Variants in CHAF1A observed in about 807,000 individuals in gnomAD.
The protein encoded by CHAF1A is chromatin assembly factor 1 subunit A, also known as CAF-1 subunit A.
In CHAF1A, 5 loss-of-function variants were observed where a neutral mutation model predicts 93.2. The observed-to-expected ratio is 0.05, with a 90% CI of 0.03 to 0.11. The LOEUF is 0.11. Ranked by LOEUF, CHAF1A falls within the 10% of genes least tolerant of loss-of-function variation. The pLI is 1.00. For missense variants in CHAF1A, 1,102 were observed against 1,259.9 expected (o/e 0.87, Z 1.90); for synonymous variants, 504 against 510.3 (o/e 0.99, Z 0.17).
rs766323095 is a variant in CHAF1A, at chr19:4,442,281, A to G, written c.2710A>G (p.Thr904Ala). The G allele has an allele frequency of 6.2e-6, 10 of 1,613,750 alleles. No homozygotes were observed. In the Admixed American group the frequency reaches 6.7e-5, roughly 11 times the overall value. Reference sequence around the variant, plus strand: ...AGACATGGACGGCTTCCAGGCAGACACGGAGGAGGAGGAAGAGGAGGAGGG... The same window carrying G: ...AGACATGGACGGCTTCCAGGCAGACGCGGAGGAGGAGGAAGAGGAGGAGGG... ...AEDMDGFQAD[T>A]EEEEEEEGDC... Residue 904 changes from threonine to alanine, a missense_variant, in exon 14 of 15, where the codon ACG becomes GCG. Coordinates refer to ENST00000301280, the MANE Select transcript of CHAF1A (RefSeq NM_005483.3).
At position 4,443,347 on chromosome 19, in the gene CHAF1A, C is replaced by T. The variant is rs536617127; in HGVS notation, c.*322C>T. ...AGGACCACCCGCCTGGCCACGTGCG[C>T]GGGCCCCTGGACCTAACGAGGCAGT... On this transcript the variant is annotated 3_prime_UTR_variant, in exon 15 of 15. Transcript: ENST00000301280. 1.3e-4 allele frequency: 45 copies of T among 348,930 alleles called. No homozygotes were observed. The highest frequency in any genetic ancestry group is 8.2e-4 in the South Asian group (31 of 38,020). The allele number at this position is 348,930 out of a possible 1,614,324, so 21.6% of individuals were successfully genotyped here. A position where few individuals can be genotyped will look rare whatever the true frequency, so the allele number is the denominator to read the frequency against.
rs548720390 is a variant in CHAF1A at position 4,438,026 on chromosome 19, A to C, written c.2674-4219A>C. Among the ~76,000 whole-genome samples the C allele has an allele frequency of 3.8e-4, 57 of 151,762 alleles. 1 individual carries two copies. The highest frequency in any genetic ancestry group is 1.2e-3 in the African/African-American group (50 of 41,396). ...AAAGTGCTAGGATTACAGGCGTGAG[A>C]CACCACGCCCGGCATCTTTTCTTGT... On this transcript the variant is annotated intron_variant, in intron 13 of 14. Transcript: ENST00000301280.
intron 7 of CHAF1A, among the ~76,000 whole-genome samples, chr19:4,428,410 A>G (rs1974122625): frequency 6.6e-6 from 1 of 152,026 alleles, no homozygotes; most frequent in Admixed American, 6.6e-5. Context: ...TAATGAAGAT[A>G]AACCCTATTT....
chr19:4,445,594 C>T (rs1284041303), downstream of CHAF1A: 1 of 1,613,684 alleles, frequency 6.2e-7, no homozygotes, highest in South Asian at 1.1e-5. Flanking sequence ...CAGCCATGTC[C>T]CACGAGAAGG....
chr19:4,447,300 AGCTGAAG>A (rs975541608), downstream of CHAF1A: 8 of 577,736 alleles, frequency 1.4e-5, no homozygotes, highest in African/African-American at 1.1e-4. Context: ...AAACAAGCCC[AGCTGAAG>A]AGGAGGAAAA....
chr19:4,415,215 G>A (rs1184414213), intron 3 of CHAF1A, among the ~76,000 whole-genome samples: 1 of 152,156 alleles, frequency 6.6e-6, no homozygotes, highest in Non-Finnish European at 1.5e-5. Context: ...CAAATTTCAA[G>A]AAGATAAAGT....
rs894067608 is a variant in CHAF1A at position 4,432,650 on chromosome 19, C to T, written c.2204-420C>T. ...TATCACGCACCTGTGATCCCAGCTA[C>T]TCAAGAGGCTGAGGTGGGAGGATTG... On this transcript the variant is annotated intron_variant, in intron 12 of 14. Coordinates refer to ENST00000301280, the MANE Select transcript of CHAF1A (RefSeq NM_005483.3). Among the ~76,000 whole-genome samples the T allele has an allele frequency of 5.3e-5, 8 of 151,748 alleles. 1 individual carries two copies. The highest frequency in any genetic ancestry group is 4.6e-4 in the Admixed American group (7 of 15,188).
At chr19:4,447,915 A>G (rs1974571614), downstream of CHAF1A, 3 of 506,444 alleles carry the variant, frequency 5.9e-6, no homozygotes, top group Admixed American at 3.2e-5. Context: ...CAGTGCCGGA[A>G]GAGTGGAGAG....
intron 13 of CHAF1A, among the ~76,000 whole-genome samples, chr19:4,440,688 T>G (rs1169104015): frequency 6.6e-6 from 1 of 151,994 alleles, no homozygotes; most frequent in Non-Finnish European, 1.5e-5. Context: ...ACATCCTAGA[T>G]GGACAGCCTG....
Position 4,433,568 on chromosome 19 carries a change from C to T in CHAF1A, c.2673+29C>T, listed in dbSNP as rs773073526. On this transcript the variant is annotated intron_variant, in intron 13 of 14. Coordinates refer to ENST00000301280, the MANE Select transcript of CHAF1A (RefSeq NM_005483.3). The surrounding 1 kb of genome is among the most constrained non-coding windows in gnomAD (Gnocchi z 5.6). The stretch of plus-strand genomic sequence containing the variant: ...AGGTGGGGTGGGCAGGTGGGGGCCT[C>T]TGCAGGGCTTTTCTTTTTTTGTTTG... 7 of 1,478,866 alleles carry T rather than the reference C, an allele frequency of 4.7e-6. No homozygotes were observed. The highest frequency in any genetic ancestry group is 4.2e-5 in the African/African-American group (3 of 70,682). 91.6% of individuals were successfully genotyped at this position (1,478,866 alleles called of 1,614,324 possible). A position where few individuals can be genotyped will look rare whatever the true frequency, so the allele number is the denominator to read the frequency against.
Position 4,432,048 on chromosome 19 carries a change from C to G in CHAF1A, c.2044C>G (p.Gln682Glu). 2.5e-6 allele frequency: 4 copies of G among 1,614,146 alleles called. No homozygotes were observed. The highest frequency in any genetic ancestry group is 3.4e-6 in the Non-Finnish European group (4 of 1,180,030). ...LAKGKRFRVL[Q>E]PVKIGCVWAA... ...TAAGGGGAAGCGCTTTCGCGTCCTG[C>G]AACCTGTGAAGATCGGCTGCGTGTG... The change falls in exon 12 of 15, where the codon CAA becomes GAA. Residue 682 changes from glutamine (Q) to glutamate (E), a missense_variant. Physicochemically the swap from Gln to Glu is conservative, Grantham distance 29. Coordinates refer to ENST00000301280, the MANE Select transcript of CHAF1A (RefSeq NM_005483.3).
chr19:4,439,655 A>G (rs1974350783), intron 13 of CHAF1A, among the ~76,000 whole-genome samples: 1 of 152,248 alleles, frequency 6.6e-6, no homozygotes, highest in South Asian at 2.1e-4. Flanking sequence ...TAACGTCCCC[A>G]GACACCTCCA....
At chr19:4,411,477 G>T (rs1016115207) in intron 3 of CHAF1A, among the ~76,000 whole-genome samples, 2 of 151,874 alleles carry the variant, frequency 1.3e-5, no homozygotes, top group Admixed American at 1.3e-4. Flanking sequence ...TAATCCACCC[G>T]CCTTGGCCTC....
chr19:4,423,295 A>G (rs1974023037), intron 5 of CHAF1A, 40 bp from the exon 6 acceptor site: 1 of 1,613,510 alleles, frequency 6.2e-7, no homozygotes, highest in Non-Finnish European at 8.5e-7. Flanking sequence ...TCCAGAGCCA[A>G]AGCAAAGAGT....
At chr19:4,427,128 G>T (rs1209252363) in intron 7 of CHAF1A, among the ~76,000 whole-genome samples, 2 of 69,456 alleles carry the variant, frequency 2.9e-5, no homozygotes, top group South Asian at 5.6e-4. Context: ...TTCAAAAAAA[G>T]ACCCTGTCTT....
chr19:4,450,285 G>T, the CHAF1A span: 2 of 150,892 alleles, frequency 1.3e-5, no homozygotes, highest in Non-Finnish European at 2.9e-5. Flanking sequence ...TGGAAATGGG[G>T]AAGGCATTTC....
chr19:4,420,637 C>G (rs560089435), intron 4 of CHAF1A, among the ~76,000 whole-genome samples: 2 of 152,154 alleles, frequency 1.3e-5, no homozygotes, highest in South Asian at 2.1e-4. Context: ...TGAAGTGTTA[C>G]TTCCTTAAAG....
chr19:4,445,675 G>A (rs780823252), downstream of CHAF1A: 16 of 1,585,520 alleles, frequency 1.0e-5, no homozygotes, highest in Admixed American at 8.5e-5. Flanking sequence ...CCCTTGCCGC[G>A]GCAGGGAACT....
chr19:4,439,487 T>G (rs923355321), intron 13 of CHAF1A, among the ~76,000 whole-genome samples: 5 of 152,152 alleles, frequency 3.3e-5, no homozygotes, highest in African/African-American at 1.2e-4. Context: ...CTCGGTGTTA[T>G]GTGTTAAATC....
Sources: gnomAD v4.1 joint callset for allele counts (sites outside exome capture counted in the v4.1 genomes callset) on GRCh38, gnomAD v4.1.1 for gene constraint, Gnocchi (gnomAD v3.1) non-coding constraint, MANE v1.5 for transcripts, NCBI Gene and HGNC (gene_info 2026-07-23, HGNC 2026-07-21) for gene names.